Variants in JMJD7 observed in about 807,000 individuals in gnomAD.
JMJD7 encodes bifunctional peptidase and (3S)-lysyl hydroxylase JMJD7.
JMJD7 carries 41 observed loss-of-function variants against 41.1 expected under a neutral mutation model. The observed-to-expected ratio is 1.00, with a 90% CI of 0.78 to 1.30. The LOEUF is 1.30. Ranked by LOEUF, JMJD7 falls within the 50% of genes most tolerant of loss-of-function variation. JMJD7 has a pLI of 0.00. For synonymous variants in JMJD7, 202 were observed against 177.2 expected, an observed-to-expected ratio of 1.14 and a Z score of -1.11; for missense variants, 480 against 420.7, an observed-to-expected ratio of 1.14 and a Z score of -1.23.
rs1473991708 is a variant in JMJD7, at chr15:41,833,412, ATATTTTTTT to A, written c.65-1326_65-1318del. Among the ~76,000 whole-genome samples, 8 of 41,916 alleles carry A rather than the reference ATATTTTTTT, an allele frequency of 1.9e-4. No individual in the cohort carries two copies. In the South Asian group the frequency reaches 7.1e-3, roughly 37 times the overall value. The allele number at this position is 41,916 out of a possible 152,430, so 27.5% of individuals were successfully genotyped here. ...GAAATACATATATATATATATATAT[ATATTTTTTT>A]TTTTTTTTTTTTTTTTTGAGATAAA... is the stretch of plus-strand genomic sequence containing the variant. On this transcript the variant is annotated intron_variant, in intron 1 of 7. Transcript: ENST00000397299.
chr15:41,834,934 G>A lies in JMJD7; in HGVS notation c.219-36G>A, dbSNP rs780167106. The stretch of plus-strand genomic sequence containing the variant: ...GGGTCAGGTGTGAGCAGTGATTACT[G>A]GCATCTGGGCATGGGCTGAGTGTCC... On this transcript the variant is annotated intron_variant, in intron 2 of 7. Coordinates refer to ENST00000397299, the MANE Select transcript of JMJD7 (RefSeq NM_001114632.2). 47 of 1,613,358 alleles carry A rather than the reference G, an allele frequency of 2.9e-5. No homozygotes were observed. The Admixed American group carries it at 7.8e-4, about 27-fold the overall frequency.
intron 4 of JMJD7, 52 bp downstream of exon 4, chr15:41,835,696 G>A (rs2065302265): frequency 6.3e-7 from 1 of 1,582,680 alleles, no homozygotes; most frequent in Non-Finnish European, 8.6e-7. Context: ...GGGGCAGAGG[G>A]AGGGAAGACG....
chr15:41,836,048 A>G, intron 4 of JMJD7, 100 bp from the exon 5 acceptor site: 2 of 1,287,838 alleles, frequency 1.6e-6, no homozygotes, highest in Non-Finnish European at 2.1e-6. Flanking sequence ...CTCTTTTGTC[A>G]TAGGACGTCT....
rs111234028 is a variant in JMJD7, at chr15:41,836,141, T to G, written c.530-7T>G. ...ACCCTGCCCCCGGGCCTTCTTTCTGTTGGCAGTGCACAAGGACCACTATGA... is the reference window on the plus strand; with the variant it reads ...ACCCTGCCCCCGGGCCTTCTTTCTGGTGGCAGTGCACAAGGACCACTATGA... On this transcript the variant is annotated splice_polypyrimidine_tract_variant and splice_region_variant and intron_variant, in intron 4 of 7. Coordinates refer to ENST00000397299, the MANE Select transcript of JMJD7 (RefSeq NM_001114632.2). 25 of 1,584,766 alleles carry G rather than the reference T, an allele frequency of 1.6e-5. No individual in the cohort carries two copies. In the African/African-American group the frequency reaches 3.2e-4, roughly 20 times the overall value.
At chr15:41,830,404 G>A (rs1410930220) in intron 1 of JMJD7, among the ~76,000 whole-genome samples, 4 of 152,238 alleles carry the variant, frequency 2.6e-5, no homozygotes, top group South Asian at 2.1e-4. Flanking sequence ...GCCCGCCGCC[G>A]CTGTGGGGAA....
chr15:41,833,253 C>T (rs1033968810), intron 1 of JMJD7, among the ~76,000 whole-genome samples: 5 of 151,868 alleles, frequency 3.3e-5, no homozygotes, highest in African/African-American at 9.7e-5. Flanking sequence ...TAGGCAAATA[C>T]TTGCTGAGCA....
intron 1 of JMJD7, among the ~76,000 whole-genome samples, chr15:41,833,430 T>TTTTTTTTTA (rs1567164884): frequency 7.9e-5 from 8 of 101,830 alleles, no homozygotes; most frequent in African/African-American, 2.4e-4. Context: ...TTTTTTTTTT[T>TTTTTTTTTA]TTTTTTTTGA....
chr15:41,834,294 G>A (rs1037541145), intron 1 of JMJD7, among the ~76,000 whole-genome samples: 1 of 152,240 alleles, frequency 6.6e-6, no homozygotes, highest in African/African-American at 2.4e-5. Context: ...CTCAGTAAAT[G>A]TCACTGTTAA....
intron 4 of JMJD7, 131 bp from the exon 5 acceptor site, chr15:41,836,017 C>G: frequency 1.0e-6 from 1 of 960,072 alleles, no homozygotes; most frequent in Non-Finnish European, 1.5e-6. Context: ...CATCTCCAGC[C>G]CACTGGCTCT....
rs67111164 is a variant in JMJD7 at position 41,833,414 on chromosome 15, A to ATTTT, written c.65-1305_65-1302dup. ...AATACATATATATATATATATATAT[A>ATTTT]TTTTTTTTTTTTTTTTTTTTTTTTG... On this transcript the variant is annotated intron_variant, in intron 1 of 7. Coordinates refer to ENST00000397299, the MANE Select transcript of JMJD7 (RefSeq NM_001114632.2). 6.6e-4 allele frequency among the ~76,000 whole-genome samples: 21 copies of ATTTT among 32,008 alleles called. 2 individuals are homozygous for ATTTT. Among genetic ancestry groups the ATTTT allele is most frequent in the East Asian group, 2.0e-3 (2 of 1,014 alleles). The allele number at this position is 32,008 out of a possible 152,430, so 21.0% of individuals were successfully genotyped here. A position where few individuals can be genotyped will look rare whatever the true frequency, so the allele number is the denominator to read the frequency against.
At chr15:41,836,336 G>T (rs1331541802) in intron 5 of JMJD7, 93 bp downstream of exon 5, 2 of 1,573,114 alleles carry the variant, frequency 1.3e-6, no homozygotes, top group East Asian at 2.3e-5. Context: ...TCCCAGGCCT[G>T]AGGTGTGGCT....
intron 1 of JMJD7, 94 bp from the exon 2 acceptor site, chr15:41,834,646 A>G (rs958927908): frequency 6.6e-7 from 1 of 1,526,466 alleles, no homozygotes; most frequent in Non-Finnish European, 8.8e-7. Context: ...TCCCAGTGAC[A>G]CAGCGCGGCC....
rs201791211 is a variant in JMJD7, at chr15:41,828,120, C to T, written c.-5C>T. 2 of 1,454,742 alleles carry T rather than the reference C, an allele frequency of 1.4e-6. No homozygotes were observed. The highest frequency in any genetic ancestry group is 3.0e-5 in the Admixed American group (1 of 33,742). The allele number at this position is 1,454,742 out of a possible 1,614,324, so 90.1% of individuals were successfully genotyped here. On this transcript the variant is annotated 5_prime_UTR_variant, in exon 1 of 8. Transcript: ENST00000397299. Reference sequence around the variant, plus strand: ...GGCGGGGTCTCGGCCGGCGCTGACGCAGCCATGGCGGAGGCGGCTTTGGAA... The same window carrying T: ...GGCGGGGTCTCGGCCGGCGCTGACGTAGCCATGGCGGAGGCGGCTTTGGAA...
chr15:41,833,728 T>G (rs184407732), intron 1 of JMJD7, among the ~76,000 whole-genome samples: 1 of 152,000 alleles, frequency 6.6e-6, no homozygotes, highest in Non-Finnish European at 1.5e-5. Context: ...CCCTAAAATA[T>G]ATAGCATGTC....
In JMJD7 at chr15:41,837,421, G is replaced by A; in HGVS notation, c.*265G>A. On this transcript the variant is annotated 3_prime_UTR_variant, in exon 8 of 8. Transcript: ENST00000397299. Reference sequence around the variant, plus strand: ...TGCAGCGGCACCTCTCCCCAGCGCTGTGATGTTGGGCGAGTCACTGCGTCT... The same window carrying A: ...TGCAGCGGCACCTCTCCCCAGCGCTATGATGTTGGGCGAGTCACTGCGTCT... 1.9e-6 allele frequency: 1 copy of A among 522,220 alleles called. No homozygotes were observed. The highest frequency in any genetic ancestry group is 3.4e-6 in the Non-Finnish European group (1 of 294,152). The allele number at this position is 522,220 out of a possible 1,614,324, so 32.3% of individuals were successfully genotyped here.
In JMJD7 at chr15:41,834,880, C is replaced by G. The variant is rs1361182780; in HGVS notation, c.205C>G (p.Leu69Val). 1 of 1,614,028 alleles carries G rather than the reference C, an allele frequency of 6.2e-7. No homozygotes were observed. Among genetic ancestry groups the G allele is most frequent in the Admixed American group, 1.7e-5 (1 of 60,016 alleles). ...QHWPALQKWS[L>V]PYFRATVGST... ...CTGGCCGGCCCTCCAGAAGTGGTCC[C>G]TCCCCTATTTCAGGTGGGAGCTGCC... The change falls in exon 2 of 8, where the codon CTC (leucine) becomes GTC (valine). Residue 69 changes from leucine (L) to valine (V), a missense_variant. Transcript: ENST00000397299.
intron 1 of JMJD7, among the ~76,000 whole-genome samples, chr15:41,829,730 A>G (rs1466366954): frequency 1.3e-5 from 2 of 152,186 alleles, no homozygotes; most frequent in African/African-American, 4.8e-5. Context: ...CAAATCCCTA[A>G]TTGCAGAAGT....
rs35263165 is a variant in JMJD7, at chr15:41,834,861, G to C, written c.186G>C (p.Pro62=). ...CIIRNALQHW[P]ALQKWSLPYF... Reference sequence around the variant, plus strand: ...TCCGCAACGCTCTGCAGCACTGGCCGGCCCTCCAGAAGTGGTCCCTCCCCT... The same window carrying C: ...TCCGCAACGCTCTGCAGCACTGGCCCGCCCTCCAGAAGTGGTCCCTCCCCT... Residue 62 remains proline, a synonymous_variant, in exon 2 of 8, where the codon CCG becomes CCC. Transcript: ENST00000397299. 6.2e-7 allele frequency: 1 copy of C among 1,614,176 alleles called. No individual in the cohort carries two copies. The highest frequency in any genetic ancestry group is 8.5e-7 in the Non-Finnish European group (1 of 1,180,018).
rs1197420190 is a variant in JMJD7, at chr15:41,835,114, G to A, written c.363G>A (p.Gln121=). Reference sequence around the variant, plus strand: ...TGGATGTGCTGGAGGGCCGGGCCCAGCACCCTGGAGTCCTCTATGTGCAGA... The same window carrying A: ...TGGATGTGCTGGAGGGCCGGGCCCAACACCCTGGAGTCCTCTATGTGCAGA... The part of the protein sequence containing the change: ...FVLDVLEGRA[Q]HPGVLYVQKQ... The change falls in exon 3 of 8, where the codon CAG becomes CAA. Residue 121 remains glutamine (Q), a synonymous_variant. Transcript: ENST00000397299. 1.2e-6 allele frequency: 2 copies of A among 1,612,026 alleles called. No individual in the cohort carries two copies. The highest frequency in any genetic ancestry group is 1.7e-6 in the Non-Finnish European group (2 of 1,180,024).
Sources: allele counts gnomAD v4.1 joint callset (sites outside exome capture counted in the v4.1 genomes callset), GRCh38; gene constraint gnomAD v4.1.1; transcripts MANE v1.5; gene names NCBI Gene and HGNC (gene_info 2026-07-23, HGNC 2026-07-21).